PARD3B: variants seen among roughly 807,000 people sequenced by gnomAD.
The protein encoded by PARD3B is par-3 family cell polarity regulator beta.
Under a neutral mutation model 130.2 loss-of-function variants are expected in PARD3B, and 103 were observed. That is an observed-to-expected ratio of 0.79 (90% confidence interval 0.67 to 0.93). PARD3B has a LOEUF of 0.93. PARD3B is among the 40% of genes least tolerant of loss of function. PARD3B has a pLI of 0.00. For synonymous variants in PARD3B, 583 were observed against 553.2 expected, an observed-to-expected ratio of 1.05 and a Z score of -0.76; for missense variants, 1,609 against 1,499.2, an observed-to-expected ratio of 1.07 and a Z score of -1.21.
chr2:204,716,824 A>G (rs1337204901), intron 2 of PARD3B, among the ~76,000 whole-genome samples: 2 of 151,966 alleles, frequency 1.3e-5, no homozygotes, highest in Non-Finnish European at 2.9e-5. Context: ...GGGTTTCACC[A>G]TGTTAGCCAG....
chr2:205,435,904 C>G (rs1441318487), intron 19 of PARD3B, among the ~76,000 whole-genome samples: 1 of 152,110 alleles, frequency 6.6e-6, no homozygotes, highest in Non-Finnish European at 1.5e-5. Context: ...CACAGCTTCA[C>G]CATTATCTTA....
intron 11 of PARD3B, among the ~76,000 whole-genome samples, chr2:205,159,344 A>T (rs1261195890): frequency 6.6e-6 from 1 of 152,226 alleles, no homozygotes; most frequent in Admixed American, 6.5e-5. Flanking sequence ...AAGGCCATTT[A>T]TCACATTTTA....
intron 2 of PARD3B, among the ~76,000 whole-genome samples, chr2:204,720,194 G>A (rs10202248): frequency 0.31 from 47,014 of 152,044 alleles, 9,965 homozygotes; most frequent in African/African-American, 0.61. Flanking sequence ...CTGCGAGCCA[G>A]CAGAAATGAT....
chr2:205,605,870 G>T (rs1206130341), intron 22 of PARD3B, among the ~76,000 whole-genome samples: 1 of 152,200 alleles, frequency 6.6e-6, no homozygotes, highest in Admixed American at 6.5e-5. Context: ...CTGATCCATG[G>T]AGATCACAGC....
intron 2 of PARD3B, among the ~76,000 whole-genome samples, chr2:204,803,394 T>C (rs1458865849): frequency 6.6e-6 from 1 of 151,992 alleles, no homozygotes; most frequent in East Asian, 1.9e-4. Flanking sequence ...CAAAGTATTA[T>C]GACATTGTAA....
intron 4 of PARD3B, among the ~76,000 whole-genome samples, chr2:205,066,993 C>G (rs973009557): frequency 1.3e-5 from 2 of 148,426 alleles, no homozygotes; most frequent in African/African-American, 5.0e-5. Context: ...ACTGGGGGAT[C>G]TAATGGAAAG....
At chr2:205,056,504 T>C (rs745485337) in intron 4 of PARD3B, among the ~76,000 whole-genome samples, 1 of 151,858 alleles carries the variant, frequency 6.6e-6, no homozygotes, top group Non-Finnish European at 1.5e-5. Context: ...TAAATGATCG[T>C]AGGGACATCT....
chr2:204,717,345 C>T (rs1399192938), intron 2 of PARD3B, among the ~76,000 whole-genome samples: 1 of 151,940 alleles, frequency 6.6e-6, no homozygotes, highest in Non-Finnish European at 1.5e-5. Context: ...TGTTAATGAC[C>T]CTCATAGGCT....
rs2040478128 is a variant in PARD3B at position 205,265,737 on chromosome 2, T to G, written c.2185+19915T>G. Among the ~76,000 whole-genome samples the G allele has an allele frequency of 6.6e-6, 1 of 152,078 alleles. No homozygotes were observed. The highest frequency in any genetic ancestry group is 1.5e-5 in the Non-Finnish European group (1 of 67,936). ...GTGCTCTTTTTAACACGATATTTAT[T>G]AGGTGCAAGTTACATGCTATTGTAG... On this transcript the variant is annotated intron_variant, in intron 16 of 22. Coordinates refer to ENST00000406610, the MANE Select transcript of PARD3B (RefSeq NM_001302769.2). This position sits in a 1 kb window ranked among gnomAD's most constrained non-coding sequence, Gnocchi z 4.3.
intron 2 of PARD3B, among the ~76,000 whole-genome samples, chr2:204,816,597 A>G (rs1432515353): frequency 6.6e-6 from 1 of 152,020 alleles, no homozygotes; most frequent in Non-Finnish European, 1.5e-5. Flanking sequence ...CTATTACTAA[A>G]GAGAAATGTG....
At chr2:205,028,487 T>A (rs73054969) in intron 3 of PARD3B, among the ~76,000 whole-genome samples, 1,620 of 152,190 alleles carry the variant, frequency 0.011, 30 homozygotes, top group African/African-American at 0.036. Flanking sequence ...ACACCTAATA[T>A]AATACTCAAC....
intron 3 of PARD3B, among the ~76,000 whole-genome samples, chr2:204,968,398 C>T (rs2125861532): frequency 6.6e-6 from 1 of 152,328 alleles, no homozygotes; most frequent in East Asian, 1.9e-4. Context: ...GTAATGCATA[C>T]AGAGGTTGAC....
At chr2:205,492,687 CG>C (rs1448427662) in intron 20 of PARD3B, among the ~76,000 whole-genome samples, 1 of 151,866 alleles carries the variant, frequency 6.6e-6, no homozygotes, top group Non-Finnish European at 1.5e-5. Context: ...AAATGGGAAA[CG>C]GGGAAAATAG....
In PARD3B at chr2:205,286,467, A is replaced by G. The variant is rs142330581; in HGVS notation, c.2186-14063A>G. On this transcript the variant is annotated intron_variant, in intron 16 of 22. Transcript: ENST00000406610. ...AACTTCCTTAGATTCTAAACCTTTC[A>G]ATTCCAAGTCCCCACTGAACATGCC... Among the ~76,000 whole-genome samples, 448 of 152,242 alleles carry G rather than the reference A, an allele frequency of 2.9e-3. 3 individuals are homozygous for G. The highest frequency in any genetic ancestry group is 3.8e-3 in the Admixed American group (58 of 15,294).
chr2:205,178,249 G>A (rs1320638333), intron 13 of PARD3B, among the ~76,000 whole-genome samples: 2 of 138,756 alleles, frequency 1.4e-5, no homozygotes, highest in Admixed American at 7.4e-5. Flanking sequence ...AGAAGAAGCT[G>A]ACTTTACTTA....
intron 15 of PARD3B, among the ~76,000 whole-genome samples, chr2:205,199,628 A>G (rs137912412): frequency 4.1e-3 from 617 of 152,280 alleles, no homozygotes; most frequent in African/African-American, 0.012. Context: ...AGCATGAAAA[A>G]GAAAGTGTGC....
chr2:204,688,741 T>TAA (rs913728681), intron 2 of PARD3B, among the ~76,000 whole-genome samples: 2 of 152,162 alleles, frequency 1.3e-5, no homozygotes, highest in African/African-American at 4.8e-5. Flanking sequence ...GAAGTAACTA[T>TAA]AAGTGATGCT....
intron 2 of PARD3B, among the ~76,000 whole-genome samples, chr2:204,825,305 T>C (rs1050621846): frequency 5.3e-5 from 8 of 152,168 alleles, no homozygotes; most frequent in African/African-American, 1.7e-4. Context: ...TCAGGATCTC[T>C]AGAAGGAGAA....
chr2:205,243,722 G>C (rs762664281), intron 15 of PARD3B, among the ~76,000 whole-genome samples: 10 of 152,134 alleles, frequency 6.6e-5, no homozygotes, highest in Non-Finnish European at 1.3e-4. Context: ...AAGTGTAATG[G>C]AGTGGTTAAG....
Sources: gnomAD v4.1 joint callset for allele counts (sites outside exome capture counted in the v4.1 genomes callset) on GRCh38, gnomAD v4.1.1 for gene constraint, Gnocchi (gnomAD v3.1) non-coding constraint, MANE v1.5 for transcripts, NCBI Gene and HGNC (gene_info 2026-07-23, HGNC 2026-07-21) for gene names.